The following GLI3 variants were observed in gnomAD, a reference collection of about 807,000 sequenced individuals.
The protein encoded by GLI3 is GLI family zinc finger 3.
GLI3 carries 20 observed loss-of-function variants against 100.8 expected under a neutral mutation model. That is an observed-to-expected ratio of 0.20 (90% confidence interval 0.14 to 0.29). GLI3 has a LOEUF of 0.29. Among genes scored for constraint, GLI3 ranks in the 10% least tolerant of loss-of-function variants. GLI3 has a pLI of 1.00. For synonymous variants in GLI3, 938 were observed against 860.5 expected (o/e 1.09, Z -1.58); for missense variants, 2,040 against 2,128.5 (o/e 0.96, Z 0.82).
At chr7:42,028,696 G>A (rs1436854539) in intron 7 of GLI3, among the ~76,000 whole-genome samples, 7 of 151,888 alleles carry the variant, frequency 4.6e-5, no homozygotes, top group African/African-American at 7.3e-5. Context: ...CTGGAGAGGC[G>A]GAGGTTGCGG....
chr7:42,076,616 C>T, intron 4 of GLI3, 136 bp downstream of exon 4: 2 of 701,112 alleles, frequency 2.9e-6, no homozygotes, highest in South Asian at 1.5e-5. Context: ...GATAGGCTTG[C>T]TATATTTCAA....
intron 2 of GLI3, among the ~76,000 whole-genome samples, chr7:42,211,987 T>C (rs901139803): frequency 6.6e-6 from 1 of 152,198 alleles, no homozygotes; most frequent in Non-Finnish European, 1.5e-5. Context: ...CTGCAGTGCC[T>C]TCCAAAACAG....
chr7:42,259,836 G>T (rs751552353), intron 1 of GLI3, among the ~76,000 whole-genome samples: 3 of 152,128 alleles, frequency 2.0e-5, no homozygotes, highest in Non-Finnish European at 4.4e-5. Context: ...AAAATTGCTT[G>T]GATCCAGCTA....
intron 6 of GLI3, 112 bp from the exon 7 acceptor site, chr7:42,040,351 G>A (rs559138205): frequency 1.3e-4 from 101 of 787,932 alleles, no homozygotes; most frequent in Middle Eastern, 3.5e-4. Flanking sequence ...GGCAACTTGC[G>A]GTGACAAGCA....
chr7:42,094,682 C>T (rs1214677238), intron 3 of GLI3, among the ~76,000 whole-genome samples: 1 of 150,702 alleles, frequency 6.6e-6, no homozygotes, highest in Non-Finnish European at 1.5e-5. Flanking sequence ...TGCAGTGAGC[C>T]AAGATTAAGC....
At chr7:41,977,532 G>A (rs1168672248) in intron 12 of GLI3, 26 bp downstream of exon 12, 1 of 1,610,992 alleles carries the variant, frequency 6.2e-7, no homozygotes, top group East Asian at 2.2e-5. Context: ...CCTTATGCAA[G>A]CTCCATGCCC....
intron 3 of GLI3, among the ~76,000 whole-genome samples, chr7:42,118,713 G>A (rs80187142): frequency 0.023 from 3,496 of 152,256 alleles, 120 homozygotes; most frequent in African/African-American, 0.079. Context: ...TGCAGCCAGG[G>A]GGCCCAGTGG....
chr7:41,993,101 T>C (rs1196961799), intron 10 of GLI3, among the ~76,000 whole-genome samples: 2 of 152,044 alleles, frequency 1.3e-5, no homozygotes, highest in Non-Finnish European at 2.9e-5. Context: ...AGAATACAGA[T>C]GAGTGGTCAC....
At chr7:42,222,553 A>G (rs1788505556) in intron 2 of GLI3, among the ~76,000 whole-genome samples, 1 of 152,250 alleles carries the variant, frequency 6.6e-6, no homozygotes, top group Non-Finnish European at 1.5e-5. Context: ...TTAAAAACAC[A>G]GAATACAGAA....
In GLI3 at chr7:42,091,755, T is replaced by C. The variant is rs537319142; in HGVS notation, c.368-14898A>G. On this transcript the variant is annotated intron_variant, in intron 3 of 14. Coordinates refer to ENST00000395925, the MANE Select transcript of GLI3 (RefSeq NM_000168.6). The stretch of plus-strand genomic sequence containing the variant: ...CTGGGCTGCAGCAATATCCGCTCGC[T>C]CGGCTCAGTTTATTATTTAAACAGT... Among the ~76,000 whole-genome samples the C allele has an allele frequency of 4.6e-5, 7 of 152,352 alleles. No individual in the cohort carries two copies. The South Asian group carries it at 1.4e-3, about 32-fold the overall frequency.
chr7:42,174,384 T>C (rs1177733832), intron 2 of GLI3, among the ~76,000 whole-genome samples: 2 of 152,234 alleles, frequency 1.3e-5, no homozygotes, highest in Non-Finnish European at 2.9e-5. Context: ...GATTCAAAAC[T>C]GGGTCAAGAG....
intron 1 of GLI3, among the ~76,000 whole-genome samples, chr7:42,255,021 T>A (rs1583677418): frequency 6.6e-6 from 1 of 151,812 alleles, no homozygotes; most frequent in African/African-American, 2.4e-5. Flanking sequence ...CATCTGCTCT[T>A]TGTGTTTCTC....
At chr7:42,200,070 T>A (rs989824253) in intron 2 of GLI3, among the ~76,000 whole-genome samples, 1 of 152,136 alleles carries the variant, frequency 6.6e-6, no homozygotes, top group Non-Finnish European at 1.5e-5. Flanking sequence ...AAAGGACCTA[T>A]ACCTAAGGCC....
chr7:42,170,954 T>A (rs1367375110), intron 2 of GLI3, among the ~76,000 whole-genome samples: 1 of 152,176 alleles, frequency 6.6e-6, no homozygotes, highest in Non-Finnish European at 1.5e-5. Context: ...GCAGCAACAA[T>A]CTGATTGACT....
At chr7:42,095,338 C>T (rs1409531905) in intron 3 of GLI3, among the ~76,000 whole-genome samples, 3 of 152,222 alleles carry the variant, frequency 2.0e-5, no homozygotes, top group Non-Finnish European at 4.4e-5. Context: ...GAGGCCAGGC[C>T]TGTTCAGGGC....
chr7:42,160,872 C>A (rs1369099738), intron 2 of GLI3, among the ~76,000 whole-genome samples: 1 of 152,080 alleles, frequency 6.6e-6, no homozygotes, highest in Non-Finnish European at 1.5e-5. Flanking sequence ...GTTTTACAAC[C>A]AGAAAAAAAG....
chr7:42,038,530 C>T (rs757153682), intron 7 of GLI3, among the ~76,000 whole-genome samples: 4 of 152,204 alleles, frequency 2.6e-5, no homozygotes, highest in Non-Finnish European at 5.9e-5. Flanking sequence ...TGACCATAGA[C>T]ATATCCAACT....
At chr7:42,212,996 C>T (rs1431724454) in intron 2 of GLI3, among the ~76,000 whole-genome samples, 1 of 152,342 alleles carries the variant, frequency 6.6e-6, no homozygotes, top group Middle Eastern at 3.4e-3. Flanking sequence ...TGATAAGCTA[C>T]TTTTCTTTCA....
intron 3 of GLI3, among the ~76,000 whole-genome samples, chr7:42,117,741 G>C (rs1785895764): frequency 6.6e-6 from 1 of 152,210 alleles, no homozygotes; most frequent in Admixed American, 6.5e-5. Flanking sequence ...TATGATCTCA[G>C]AGGCCATACA....
Sources: gnomAD v4.1 joint callset for allele counts (sites outside exome capture counted in the v4.1 genomes callset) on GRCh38, gnomAD v4.1.1 for gene constraint, MANE v1.5 for transcripts, NCBI Gene and HGNC (gene_info 2026-07-23, HGNC 2026-07-21) for gene names.